The following CNTNAP2 variants were observed in gnomAD, a reference collection of about 807,000 sequenced individuals.
CNTNAP2 encodes contactin associated protein 2, also known as contactin-associated protein-like 2.
In CNTNAP2, 98 loss-of-function variants were observed where a neutral mutation model predicts 155.2. That is an observed-to-expected ratio of 0.63 (90% CI 0.54 to 0.75). The LOEUF (loss-of-function observed/expected upper bound fraction) is 0.75, where lower values mean the gene tolerates loss of function less well. CNTNAP2 is among the 30% of genes least tolerant of loss of function. The probability of loss-of-function intolerance (pLI) is 0.00; values close to 1 mark genes in which losing one functional copy is unlikely to be tolerated. For synonymous variants in CNTNAP2, 651 were observed against 631.2 expected (o/e 1.03, Z -0.47); for missense variants, 1,727 against 1,688.1 (o/e 1.02, Z -0.40).
chr7:147,074,285 G>A (rs1799954118), intron 4 of CNTNAP2, among the ~76,000 whole-genome samples: 1 of 151,880 alleles, frequency 6.6e-6, no homozygotes, highest in Non-Finnish European at 1.5e-5. Context: ...CTATGCTATG[G>A]GTTCAGATAG....
At chr7:148,074,090 C>T (rs1027630331) in intron 15 of CNTNAP2, among the ~76,000 whole-genome samples, 2 of 152,144 alleles carry the variant, frequency 1.3e-5, no homozygotes, top group South Asian at 2.1e-4. Flanking sequence ...AGAGAATTTC[C>T]GTACTACCTC....
chr7:147,701,187 T>C (rs952674513), intron 13 of CNTNAP2, among the ~76,000 whole-genome samples: 2 of 152,194 alleles, frequency 1.3e-5, no homozygotes, highest in Non-Finnish European at 2.9e-5. Flanking sequence ...TTTTAGATGT[T>C]GGACCATTGT....
At chr7:146,355,938 A>C (rs1406576966) in intron 1 of CNTNAP2, among the ~76,000 whole-genome samples, 1 of 152,044 alleles carries the variant, frequency 6.6e-6, no homozygotes, top group Non-Finnish European at 1.5e-5. Context: ...GGGTATGCAT[A>C]TTCTTACACA....
chr7:148,387,847 A>G (rs564492728), intron 22 of CNTNAP2, among the ~76,000 whole-genome samples: 19 of 152,110 alleles, frequency 1.2e-4, no homozygotes, highest in African/African-American at 4.6e-4. Context: ...GGGCTGGGTA[A>G]AATAAAGCTG....
chr7:147,233,626 T>C (rs1365773394), intron 8 of CNTNAP2, among the ~76,000 whole-genome samples: 1 of 151,240 alleles, frequency 6.6e-6, no homozygotes, highest in Non-Finnish European at 1.5e-5. Flanking sequence ...GACAGTTGAC[T>C]ACTGGTCACA....
chr7:148,253,435 TGTC>T (rs1563012959), intron 20 of CNTNAP2, among the ~76,000 whole-genome samples: 2 of 152,218 alleles, frequency 1.3e-5, no homozygotes, highest in African/African-American at 2.4e-5. Flanking sequence ...TTTAGTAGAT[TGTC>T]TTAGAATATT....
intron 1 of CNTNAP2, among the ~76,000 whole-genome samples, chr7:146,536,384 G>A (rs958122013): frequency 1.3e-5 from 2 of 151,996 alleles, no homozygotes; most frequent in African/African-American, 2.4e-5. Flanking sequence ...TTTCCAAATG[G>A]GGATTTATGT....
chr7:148,391,669 G>A (rs1466995812), intron 22 of CNTNAP2, among the ~76,000 whole-genome samples: 2 of 152,208 alleles, frequency 1.3e-5, no homozygotes, highest in Non-Finnish European at 2.9e-5. Flanking sequence ...TTACCTCTCA[G>A]AATTATGGAC....
chr7:146,671,276 T>C (rs2533078), intron 1 of CNTNAP2, among the ~76,000 whole-genome samples: 123,059 of 152,110 alleles, frequency 0.81, 50,388 homozygotes, highest in South Asian at 0.91. Context: ...TGTGAAGGTC[T>C]ATATACCTAG....
At chr7:148,014,924 A>G (rs1802147940) in intron 15 of CNTNAP2, among the ~76,000 whole-genome samples, 1 of 152,246 alleles carries the variant, frequency 6.6e-6, no homozygotes, top group South Asian at 2.1e-4. Flanking sequence ...GCTTCAGTAA[A>G]GAAAATTAGG....
intron 13 of CNTNAP2, among the ~76,000 whole-genome samples, chr7:147,833,633 G>A (rs1287128713): frequency 1.3e-5 from 2 of 152,090 alleles, no homozygotes; most frequent in East Asian, 3.9e-4. Flanking sequence ...AGCAGCCTCC[G>A]GTATCTATTG....
In CNTNAP2 at chr7:147,999,596, G is replaced by A. The variant is rs532093689; in HGVS notation, c.2383+21607G>A. On this transcript the variant is annotated intron_variant, in intron 15 of 23. Coordinates refer to ENST00000361727, the MANE Select transcript of CNTNAP2 (RefSeq NM_014141.6). ...ATTCCCCAAAAGAGATGTTGAAGTC[G>A]TATCCCCTCATGCCTGTGAATATGA... 3.3e-5 allele frequency among the ~76,000 whole-genome samples: 5 copies of A among 152,120 alleles called. No homozygotes were observed. The East Asian group carries it at 7.7e-4, about 23-fold the overall frequency.
intron 9 of CNTNAP2, among the ~76,000 whole-genome samples, chr7:147,324,641 T>C (rs1795416837): frequency 1.3e-5 from 2 of 152,196 alleles, no homozygotes; most frequent in South Asian, 4.1e-4. Context: ...CTTATTTGTA[T>C]ATTTTAAATT....
chr7:147,980,524 A>T (rs1425951837), intron 15 of CNTNAP2, among the ~76,000 whole-genome samples: 2 of 152,178 alleles, frequency 1.3e-5, no homozygotes, highest in Non-Finnish European at 2.9e-5. Flanking sequence ...TGTCTGTGTG[A>T]GAGAGAGAAA....
intron 21 of CNTNAP2, among the ~76,000 whole-genome samples, chr7:148,310,441 G>A (rs942426345): frequency 1.3e-5 from 2 of 152,262 alleles, no homozygotes; most frequent in African/African-American, 2.4e-5. Context: ...GATGCTAGCA[G>A]AGAAGTCATT....
intron 2 of CNTNAP2, among the ~76,000 whole-genome samples, chr7:146,805,966 A>T (rs1802959991): frequency 6.6e-6 from 1 of 152,146 alleles, no homozygotes; most frequent in Non-Finnish European, 1.5e-5. Flanking sequence ...GGTTCTGTTA[A>T]GTCAGGAATT....
intron 20 of CNTNAP2, among the ~76,000 whole-genome samples, chr7:148,245,947 T>C (rs1796254343): frequency 6.6e-6 from 1 of 152,188 alleles, no homozygotes; most frequent in African/African-American, 2.4e-5. Flanking sequence ...ACCTTCTACT[T>C]CTGGAACGAG....
intron 1 of CNTNAP2, among the ~76,000 whole-genome samples, chr7:146,553,113 A>G (rs1444275083): frequency 2.0e-5 from 3 of 152,056 alleles, no homozygotes; most frequent in South Asian, 2.1e-4. Flanking sequence ...TCTTCTGTTC[A>G]CTGTTATATC....
rs1276421589 is a variant in CNTNAP2 at position 147,346,153 on chromosome 7, A to ATT, written c.1498+45874_1498+45875dup. Among the ~76,000 whole-genome samples, 427 of 43,644 alleles carry ATT rather than the reference A, an allele frequency of 9.8e-3. 7 individuals are homozygous for ATT. Among genetic ancestry groups the ATT allele is most frequent in the African/African-American group, 0.078 (410 of 5,224 alleles). 28.6% of individuals were successfully genotyped at this position (43,644 alleles called of 152,430 possible). On this transcript the variant is annotated intron_variant, in intron 9 of 23. Coordinates refer to ENST00000361727, the MANE Select transcript of CNTNAP2 (RefSeq NM_014141.6). ...ATTTTATTTTATTTTATTTTATTTTATTTTTTTTTTTTGAGACAGAGTCTC... is the reference window on the plus strand; with the variant it reads ...ATTTTATTTTATTTTATTTTATTTTATTTTTTTTTTTTTTGAGACAGAGTCTC...
Sources: gnomAD v4.1 joint callset for allele counts (sites outside exome capture counted in the v4.1 genomes callset) on GRCh38, gnomAD v4.1.1 for gene constraint, MANE v1.5 for transcripts, NCBI Gene and HGNC (gene_info 2026-07-23, HGNC 2026-07-21) for gene names.